DICER1: variants seen among roughly 807,000 people sequenced by gnomAD.
DICER1 encodes endoribonuclease Dicer.
Under a neutral mutation model 194.1 loss-of-function variants are expected in DICER1, and 43 were observed. The observed-to-expected ratio is 0.22, with a 90% CI of 0.17 to 0.29. The LOEUF (loss-of-function observed/expected upper bound fraction) is 0.29, where lower values mean the gene tolerates loss of function less well. Ranked by LOEUF, DICER1 falls within the 10% of genes least tolerant of loss-of-function variation. The pLI is 1.00. For synonymous variants in DICER1, 832 were observed against 820.5 expected (o/e 1.01, Z -0.24); for missense variants, 1,608 against 2,317.0 (o/e 0.69, Z 6.28).
Position 95,094,545 on chromosome 14 carries a change from G to A in DICER1, c.5096-389C>T, listed in dbSNP as rs144271268. 1.7e-4 allele frequency among the ~76,000 whole-genome samples: 26 copies of A among 152,258 alleles called. 1 individual carries two copies. In the East Asian group the frequency reaches 4.2e-3, roughly 25 times the overall value. ...TCATCACTTAAGTGAAACCAGGGCC[G>A]CACACACCTCTCCATGTGGCTACAC... On this transcript the variant is annotated intron_variant, in intron 23 of 26. Coordinates refer to ENST00000343455, the MANE Select transcript of DICER1 (RefSeq NM_177438.3).
At chr14:95,094,387 G>T (rs1890127984) in intron 23 of DICER1, among the ~76,000 whole-genome samples, 2 of 152,170 alleles carry the variant, frequency 1.3e-5, no homozygotes, top group African/African-American at 4.8e-5. Context: ...TCTTCAAGTG[G>T]TCAAAAGACT....
At chr14:95,107,524 G>A (rs1595378232) in intron 17 of DICER1, 84 bp downstream of exon 17, 4 of 1,377,010 alleles carry the variant, frequency 2.9e-6, no homozygotes, top group East Asian at 2.3e-5. Flanking sequence ...TGCTGGGACT[G>A]CAGGCGTGAG....
chr14:95,117,259 T>C (rs146848833), intron 9 of DICER1, among the ~76,000 whole-genome samples: 169 of 152,232 alleles, frequency 1.1e-3, no homozygotes, highest in African/African-American at 3.9e-3. Flanking sequence ...GAAAACACTT[T>C]CTAGGAAAAG....
rs963339833 is a variant in DICER1 at position 95,124,141 on chromosome 14, A to T, written c.1376+55T>A. 140 of 1,334,246 alleles carry T rather than the reference A, an allele frequency of 1.0e-4. No individual in the cohort carries two copies. Among genetic ancestry groups the T allele is most frequent in the Non-Finnish European group, 1.2e-4 (115 of 933,322 alleles). 82.7% of individuals were successfully genotyped at this position (1,334,246 alleles called of 1,614,324 possible). A position where few individuals can be genotyped will look rare whatever the true frequency, so the allele number is the denominator to read the frequency against. The stretch of plus-strand genomic sequence containing the variant: ...TACAGCTGCTGCAGCGCATCACATC[A>T]CAACACAGGACGCCTCCCTGTTCTC... On this transcript the variant is annotated intron_variant, in intron 8 of 26. Transcript: ENST00000343455. This position sits in a 1 kb window ranked among gnomAD's most constrained non-coding sequence, Gnocchi z 4.5.
At chr14:95,144,843 T>G (rs983211440) in intron 1 of DICER1, among the ~76,000 whole-genome samples, 13 of 152,294 alleles carry the variant, frequency 8.5e-5, no homozygotes, top group Admixed American at 7.8e-4. Flanking sequence ...CTTTTTCTAC[T>G]TAAGAGTAAG....
At chr14:95,093,023 G>C (rs575444892) in intron 24 of DICER1, among the ~76,000 whole-genome samples, 1 of 152,108 alleles carries the variant, frequency 6.6e-6, no homozygotes, top group Admixed American at 6.5e-5. Context: ...TCGGCTCTGC[G>C]GCTAGACTTC....
intron 1 of DICER1, among the ~76,000 whole-genome samples, chr14:95,135,967 T>A (rs559279801): frequency 6.6e-6 from 1 of 152,328 alleles, no homozygotes; most frequent in South Asian, 2.1e-4. Context: ...TAACTGACTG[T>A]GGCTATGTAA....
In DICER1 at chr14:95,117,557, T is replaced by C. The variant is rs1595414520; in HGVS notation, c.1509+65A>G. 5.2e-6 allele frequency: 8 copies of C among 1,544,950 alleles called. No homozygotes were observed. The East Asian group carries it at 1.3e-4, about 26-fold the overall frequency. ...GGAAACTATGAAAAAAGGGAGACCC[T>C]ATGGGCACTTTGTCTGTATATGTCC... is the stretch of plus-strand genomic sequence containing the variant. On this transcript the variant is annotated intron_variant, in intron 9 of 26. Transcript: ENST00000343455.
At chr14:95,127,783 A>G (rs531919412) in intron 6 of DICER1, among the ~76,000 whole-genome samples, 2 of 152,356 alleles carry the variant, frequency 1.3e-5, no homozygotes, top group Non-Finnish European at 2.9e-5. Flanking sequence ...TATTCAAATA[A>G]TTTTGCCAAT....
At position 95,129,644 on chromosome 14, in the gene DICER1, A is replaced by G. The variant is rs1893781480; in HGVS notation, c.574-12T>C. 1.2e-6 allele frequency: 2 copies of G among 1,608,302 alleles called. No homozygotes were observed. The highest frequency in any genetic ancestry group is 2.2e-5 in the South Asian group (2 of 91,038). On this transcript the variant is annotated splice_polypyrimidine_tract_variant and intron_variant, in intron 5 of 26. Coordinates refer to ENST00000343455, the MANE Select transcript of DICER1 (RefSeq NM_177438.3). ...CAATTTTCACAGAGCTAACATAATA[A>G]AAGATACTGACAGTAAAGACTTCAT...
chr14:95,106,884 T>C (rs932724695), intron 17 of DICER1, among the ~76,000 whole-genome samples: 1 of 152,214 alleles, frequency 6.6e-6, no homozygotes, highest in Admixed American at 6.5e-5. Context: ...TATAAGACTC[T>C]GGAGACTAAA....
chr14:95,146,042 G>C (rs1400219335), intron 1 of DICER1, among the ~76,000 whole-genome samples: 1 of 152,204 alleles, frequency 6.6e-6, no homozygotes, highest in Non-Finnish European at 1.5e-5. Context: ...GTTCAATTCA[G>C]CCATTTAAAA....
chr14:95,129,459 C>T lies in DICER1; in HGVS notation c.734+13G>A, dbSNP rs769965120. 6.2e-7 allele frequency: 1 copy of T among 1,612,866 alleles called. No homozygotes were observed. Among genetic ancestry groups the T allele is most frequent in the Admixed American group, 1.7e-5 (1 of 60,028 alleles). On this transcript the variant is annotated intron_variant, in intron 6 of 26. Transcript: ENST00000343455. ...CTAATCTCATTAAAGCTGAGTCAAT[C>T]AGAAGTGCATACCTGTCTAAGACCA...
rs142300389 is a variant in DICER1 at position 95,112,238 on chromosome 14, T to A, written c.2050A>T (p.Met684Leu). The A allele has an allele frequency of 6.2e-7, 1 of 1,614,066 alleles. No individual in the cohort carries two copies. Among genetic ancestry groups the A allele is most frequent in the South Asian group, 1.1e-5 (1 of 91,070 alleles). ...CTTTCAGCCAATCGTACACAGCTCATTGGTGGACCCTGAAAATAACAAAAA... is the reference window on the plus strand; with the variant it reads ...CTTTCAGCCAATCGTACACAGCTCAATGGTGGACCCTGAAAATAACAAAAA... ...PLRASIVGPP[M>L]SCVRLAERVV... Residue 684 changes from methionine to leucine, a missense_variant, in exon 13 of 27, where the codon ATG becomes TTG. Transcript: ENST00000343455.
At chr14:95,090,825 G>C (rs2139770021) in intron 26 of DICER1, 162 bp from the exon 27 acceptor site, 1 of 998,536 alleles carries the variant, frequency 1.0e-6, no homozygotes, top group Non-Finnish European at 1.6e-6. Flanking sequence ...ACCCCCGACA[G>C]ACAGGGCTGC....
rs1012044549 is a variant in DICER1, at chr14:95,124,053, C to T, written c.1376+143G>A. On this transcript the variant is annotated intron_variant, in intron 8 of 26. Transcript: ENST00000343455. The surrounding 1 kb of genome is among the most constrained non-coding windows in gnomAD (Gnocchi z 4.5). ...ATCCTCTCTGTCAATCCCAGGACAG[C>T]ATGACGTATCAGCAATGATGGCGCC... is the stretch of plus-strand genomic sequence containing the variant. 77 of 665,670 alleles carry T rather than the reference C, an allele frequency of 1.2e-4. No homozygotes were observed. Among genetic ancestry groups the T allele is most frequent in the Middle Eastern group, 4.0e-4 (1 of 2,516 alleles). The allele number at this position is 665,670 out of a possible 1,614,324, so 41.2% of individuals were successfully genotyped here. A position where few individuals can be genotyped will look rare whatever the true frequency, so the allele number is the denominator to read the frequency against.
intron 1 of DICER1, among the ~76,000 whole-genome samples, chr14:95,151,595 G>A (rs1421529924): frequency 1.3e-5 from 2 of 152,186 alleles, no homozygotes; most frequent in Non-Finnish European, 2.9e-5. Flanking sequence ...GTGCTCATCG[G>A]CTATAAAGTC....
Position 95,130,107 on chromosome 14 carries a change from T to G in DICER1, c.524A>C (p.Asp175Ala). 1 of 1,613,530 alleles carries G rather than the reference T, an allele frequency of 6.2e-7. No individual in the cohort carries two copies. Among genetic ancestry groups the G allele is most frequent in the Non-Finnish European group, 8.5e-7 (1 of 1,179,710 alleles). ...GTCTAGGATTGCAAGATGACACTCA[T>G]CAAACACCAAAAGGTTAATGTCTGA... is the stretch of plus-strand genomic sequence containing the variant. ...SLSDINLLVF[D>A]ECHLAILDHP... Residue 175 changes from aspartate (D) to alanine (A), a missense_variant, in exon 5 of 27, where the codon GAT (aspartate) becomes GCT (alanine). By Grantham distance (126) the Asp-to-Ala change is moderately radical. Coordinates refer to ENST00000343455, the MANE Select transcript of DICER1 (RefSeq NM_177438.3).
At chr14:95,133,570 CAA>C in intron 1 of DICER1, 67 bp from the exon 2 acceptor site, 3 of 1,144,870 alleles carry the variant, frequency 2.6e-6, no homozygotes, top group Non-Finnish European at 3.8e-6. Context: ...AGCACAGAAA[CAA>C]GAGAAACATC....
Sources: gnomAD v4.1 joint callset for allele counts (sites outside exome capture counted in the v4.1 genomes callset) on GRCh38, gnomAD v4.1.1 for gene constraint, Gnocchi (gnomAD v3.1) non-coding constraint, MANE v1.5 for transcripts, NCBI Gene and HGNC (gene_info 2026-07-23, HGNC 2026-07-21) for gene names.